The following NFKB2 variants were observed in gnomAD, a reference collection of about 807,000 sequenced individuals.
The protein encoded by NFKB2 is nuclear factor kappa B subunit 2, also known as nuclear factor NF-kappa-B p100 subunit.
A neutral mutation model predicts 109.3 loss-of-function variants in NFKB2; 21 were observed. The observed-to-expected ratio is 0.19, with a 90% CI of 0.14 to 0.28. The LOEUF is 0.28. Ranked by LOEUF, NFKB2 falls within the 10% of genes least tolerant of loss-of-function variation. NFKB2 has a pLI of 1.00. For missense variants in NFKB2, 806 were observed against 1,185.3 expected, an observed-to-expected ratio of 0.68 and a Z score of 4.70; for synonymous variants, 478 against 489.9, an observed-to-expected ratio of 0.98 and a Z score of 0.32.
In NFKB2 at chr10:102,400,314, A is replaced by C. The variant is rs1310195093; in HGVS notation, c.1621A>C (p.Ser541Arg). 2 of 1,613,882 alleles carry C rather than the reference A, an allele frequency of 1.2e-6. No individual in the cohort carries two copies. Among genetic ancestry groups the C allele is most frequent in the South Asian group, 2.2e-5 (2 of 91,080 alleles). ...LHLAVITGQTSVVSFLLRVGA... is the reference protein window; with the variant it reads ...LHLAVITGQTRVVSFLLRVGA... ...CCTGGCGGTGATCACGGGGCAGACG[A>C]GTGTGGTGAGCTTTCTGCTGCGGGT... The change falls in exon 16 of 23, where the codon AGT becomes CGT. Residue 541 changes from serine to arginine, a missense_variant. Physicochemically the swap from Ser to Arg is moderately radical, Grantham distance 110 (BLOSUM62 -1). This residue lies in a region of NFKB2 where 163 missense variants were observed against 207.1 expected (regional missense o/e 0.79). Coordinates refer to ENST00000661543, the MANE Select transcript of NFKB2 (RefSeq NM_001322934.2). This position sits in a 1 kb window ranked among gnomAD's most constrained non-coding sequence, Gnocchi z 6.3.
rs778522689 is a variant in NFKB2, at chr10:102,401,153, C to T, written c.2072-27C>T. ...TCCTTAATGTAGGCCCCCACCATAC[C>T]GCCCCATGACGGCCTCCCTCTCCCA... On this transcript the variant is annotated intron_variant, in intron 18 of 22. Coordinates refer to ENST00000661543, the MANE Select transcript of NFKB2 (RefSeq NM_001322934.2). The surrounding 1 kb of genome is among the most constrained non-coding windows in gnomAD (Gnocchi z 4.2). The T allele has an allele frequency of 3.1e-6, 5 of 1,591,838 alleles. No homozygotes were observed. Among genetic ancestry groups the T allele is most frequent in the African/African-American group, 1.3e-5 (1 of 74,410 alleles).
At chr10:102,394,783 A>G (rs189086939), upstream of NFKB2, 10 of 152,558 alleles carry the variant, frequency 6.6e-5, no homozygotes, top group African/African-American at 2.2e-4. Context: ...CCGTACGTAC[A>G]CCTGTACCTG....
At position 102,397,200 on chromosome 10, in the gene NFKB2, G is replaced by A. The variant is rs2061130970; in HGVS notation, c.396-102G>A. On this transcript the variant is annotated intron_variant, in intron 6 of 22. Transcript: ENST00000661543. The surrounding 1 kb of genome is among the most constrained non-coding windows in gnomAD (Gnocchi z 4.7). ...AAGGGCCTAAGTAGAAACTCCAATG[G>A]CTTCCTTGAGGAAGTAAGGCTGAGC... 6.5e-7 allele frequency: 1 copy of A among 1,528,602 alleles called. No homozygotes were observed. The highest frequency in any genetic ancestry group is 2.3e-5 in the East Asian group (1 of 44,404). The allele number at this position is 1,528,602 out of a possible 1,614,324, so 94.7% of individuals were successfully genotyped here.
Position 102,399,701 on chromosome 10 carries a change from G to C in NFKB2, c.1452G>C (p.Gln484His). The C allele has an allele frequency of 6.7e-7, 1 of 1,493,790 alleles. No homozygotes were observed. Among genetic ancestry groups the C allele is most frequent in the Non-Finnish European group, 8.9e-7 (1 of 1,120,166 alleles). 92.5% of individuals were successfully genotyped at this position (1,493,790 alleles called of 1,614,324 possible). The change falls in exon 14 of 23, where the codon CAG becomes CAC. Residue 484 changes from glutamine (Q) to histidine (H), a missense_variant. Coordinates refer to ENST00000661543, the MANE Select transcript of NFKB2 (RefSeq NM_001322934.2). ...LAGQRHLLTA[Q>H]DENGDTPLHL... ...GACAGCGCCACCTGCTGACGGCGCA[G>C]GACGAGAACGGAGACACGTAGGCAA...
intron 14 of NFKB2, 134 bp from the exon 15 acceptor site, chr10:102,399,946 G>A: frequency 9.2e-7 from 1 of 1,082,388 alleles, no homozygotes; most frequent in African/African-American, 1.6e-5. Context: ...AACGTTAAGT[G>A]CAGGCACAGC....
chr10:102,398,470 G>A lies in NFKB2; in HGVS notation c.938G>A (p.Arg313Gln), dbSNP rs2061155905. 1.2e-6 allele frequency: 2 copies of A among 1,614,180 alleles called. No individual in the cohort carries two copies. Among genetic ancestry groups the A allele is most frequent in the Non-Finnish European group, 1.7e-6 (2 of 1,180,040 alleles). The change falls in exon 11 of 23, where the codon CGA becomes CAA. Residue 313 changes from arginine to glutamine, a missense_variant. By Grantham distance (43) the Arg-to-Gln change is conservative (BLOSUM62 1). Coordinates refer to ENST00000661543, the MANE Select transcript of NFKB2 (RefSeq NM_001322934.2). This position sits in a 1 kb window ranked among gnomAD's most constrained non-coding sequence, Gnocchi z 6.6. ...VTVFLQLKRK[R>Q]GGDVSDSKQF... The stretch of plus-strand genomic sequence containing the variant: ...GTGTTTCTGCAACTGAAACGCAAGC[G>A]AGGAGGGGACGTGTCTGATTCCAAA...
chr10:102,399,640 A>G lies in NFKB2; in HGVS notation c.1391A>G (p.Tyr464Cys). 1.9e-6 allele frequency: 3 copies of G among 1,540,206 alleles called. No homozygotes were observed. Among genetic ancestry groups the G allele is most frequent in the Non-Finnish European group, 2.6e-6 (3 of 1,142,398 alleles). Residue 464 changes from tyrosine to cysteine, a missense_variant, in exon 14 of 23, where the codon TAC becomes TGC. Tyr to Cys is a radical substitution (Grantham distance 194). Coordinates refer to ENST00000661543, the MANE Select transcript of NFKB2 (RefSeq NM_001322934.2). ...CGCAGCGCCCGAGCCCTACTCGACT[A>G]CGGCGTCACCGCGGACGCGCGCGCG... Reference protein sequence around the residue: ...AQRSARALLDYGVTADARALL... With the variant: ...AQRSARALLDCGVTADARALL...
upstream of NFKB2, chr10:102,395,593 A>T: frequency 2.6e-5 from 11 of 421,124 alleles, no homozygotes; most frequent in South Asian, 3.3e-4. Flanking sequence ...TAGACTGTCG[A>T]GGGCCTCCCG....
chr10:102,395,731 G>T lies in NFKB2; in HGVS notation c.-138G>T. On this transcript the variant is annotated 5_prime_UTR_variant, in exon 1 of 23. Transcript: ENST00000661543. Reference sequence around the variant, plus strand: ...ACTTTCCTGCCCCTTCCCCGGCCAAGCCCAACTCCGGATCTCGCTCTCCAC... The same window carrying T: ...ACTTTCCTGCCCCTTCCCCGGCCAATCCCAACTCCGGATCTCGCTCTCCAC... 3.3e-6 allele frequency: 2 copies of T among 597,568 alleles called. No individual in the cohort carries two copies. Among genetic ancestry groups the T allele is most frequent in the Non-Finnish European group, 6.0e-6 (2 of 333,936 alleles). The allele number at this position is 597,568 out of a possible 1,614,324, so 37.0% of individuals were successfully genotyped here.
chr10:102,396,219 G>A lies in NFKB2; in HGVS notation c.22-34G>A. On this transcript the variant is annotated intron_variant, in intron 2 of 22. Coordinates refer to ENST00000661543, the MANE Select transcript of NFKB2 (RefSeq NM_001322934.2). This position sits in a 1 kb window ranked among gnomAD's most constrained non-coding sequence, Gnocchi z 5.9. ...GGTGGGGCTGTGGGGGGTGCTGAGA[G>A]TCGGATGCCACCCCCAGTCTGTCTC... 6.3e-7 allele frequency: 1 copy of A among 1,589,522 alleles called. No homozygotes were observed. The highest frequency in any genetic ancestry group is 8.6e-7 in the Non-Finnish European group (1 of 1,161,376).
Position 102,396,227 on chromosome 10 carries a change from C to A in NFKB2, c.22-26C>A. 6.3e-7 allele frequency: 1 copy of A among 1,592,038 alleles called. No individual in the cohort carries two copies. Among genetic ancestry groups the A allele is most frequent in the Non-Finnish European group, 8.6e-7 (1 of 1,163,182 alleles). On this transcript the variant is annotated intron_variant, in intron 2 of 22. Transcript: ENST00000661543. This position sits in a 1 kb window ranked among gnomAD's most constrained non-coding sequence, Gnocchi z 5.9. ...TGTGGGGGGTGCTGAGAGTCGGATGCCACCCCCAGTCTGTCTCCAAACCAG... is the reference window on the plus strand; with the variant it reads ...TGTGGGGGGTGCTGAGAGTCGGATGACACCCCCAGTCTGTCTCCAAACCAG...
chr10:102,396,515 GA>G lies in NFKB2; in HGVS notation c.144+28del. On this transcript the variant is annotated intron_variant, in intron 4 of 22. Transcript: ENST00000661543. This position sits in a 1 kb window ranked among gnomAD's most constrained non-coding sequence, Gnocchi z 5.9. Reference sequence around the variant, plus strand: ...GTGAGTGAGCAAAAGGGAGGGTGTGGAATGGCTTCAGCTTTGGGGACAAATG... The same window carrying G: ...GTGAGTGAGCAAAAGGGAGGGTGTGGATGGCTTCAGCTTTGGGGACAAATG... The G allele has an allele frequency of 6.2e-7, 1 of 1,613,692 alleles. No homozygotes were observed. Among genetic ancestry groups the G allele is most frequent in the Admixed American group, 1.7e-5 (1 of 60,024 alleles).
In NFKB2 at chr10:102,398,363, T is replaced by A; in HGVS notation, c.853-22T>A. ...TTAGGCTAAGGACTCACTGACACCC[T>A]GTGTCTCCCTGCACCCCCCAGTATG... On this transcript the variant is annotated intron_variant, in intron 10 of 22. Coordinates refer to ENST00000661543, the MANE Select transcript of NFKB2 (RefSeq NM_001322934.2). The surrounding 1 kb of genome is among the most constrained non-coding windows in gnomAD (Gnocchi z 6.6). 6.2e-7 allele frequency: 1 copy of A among 1,613,942 alleles called. No homozygotes were observed. Among genetic ancestry groups the A allele is most frequent in the Admixed American group, 1.7e-5 (1 of 60,016 alleles).
chr10:102,396,153 A>C lies in NFKB2; in HGVS notation c.22-100A>C. Reference sequence around the variant, plus strand: ...CAAAAGGAGCTTTCTCTTGGGTCTGAGGAGGAGGGGGGAGTGACCACTGAA... The same window carrying C: ...CAAAAGGAGCTTTCTCTTGGGTCTGCGGAGGAGGGGGGAGTGACCACTGAA... On this transcript the variant is annotated intron_variant, in intron 2 of 22. Coordinates refer to ENST00000661543, the MANE Select transcript of NFKB2 (RefSeq NM_001322934.2). The surrounding 1 kb of genome is among the most constrained non-coding windows in gnomAD (Gnocchi z 5.9). 1.4e-6 allele frequency: 2 copies of C among 1,459,708 alleles called. No homozygotes were observed. Among genetic ancestry groups the C allele is most frequent in the Non-Finnish European group, 1.9e-6 (2 of 1,052,018 alleles). 90.4% of individuals were successfully genotyped at this position (1,459,708 alleles called of 1,614,324 possible). A position where few individuals can be genotyped will look rare whatever the true frequency, so the allele number is the denominator to read the frequency against.
In NFKB2 at chr10:102,398,459, G is replaced by T. The variant is rs2061155505; in HGVS notation, c.927G>T (p.Leu309=). ...GGCCTGTAACAGTGTTTCTGCAACT[G>T]AAACGCAAGCGAGGAGGGGACGTGT... ...IERPVTVFLQ[L]KRKRGGDVSD... The change falls in exon 11 of 23, where the codon CTG becomes CTT. Residue 309 remains leucine, a synonymous_variant. Coordinates refer to ENST00000661543, the MANE Select transcript of NFKB2 (RefSeq NM_001322934.2). This position sits in a 1 kb window ranked among gnomAD's most constrained non-coding sequence, Gnocchi z 6.6. 6.2e-7 allele frequency: 1 copy of T among 1,614,102 alleles called. No homozygotes were observed. Among genetic ancestry groups the T allele is most frequent in the Admixed American group, 1.7e-5 (1 of 60,012 alleles).
Position 102,396,161 on chromosome 10 carries a change from G to T in NFKB2, c.22-92G>T. 3 of 1,478,290 alleles carry T rather than the reference G, an allele frequency of 2.0e-6. No homozygotes were observed. The highest frequency in any genetic ancestry group is 1.2e-5 in the South Asian group (1 of 83,926). 91.6% of individuals were successfully genotyped at this position (1,478,290 alleles called of 1,614,324 possible). A position where few individuals can be genotyped will look rare whatever the true frequency, so the allele number is the denominator to read the frequency against. ...GCTTTCTCTTGGGTCTGAGGAGGAG[G>T]GGGGAGTGACCACTGAAGACTTGGA... On this transcript the variant is annotated intron_variant, in intron 2 of 22. Coordinates refer to ENST00000661543, the MANE Select transcript of NFKB2 (RefSeq NM_001322934.2). This position sits in a 1 kb window ranked among gnomAD's most constrained non-coding sequence, Gnocchi z 5.9.
In NFKB2 at chr10:102,396,399, TG is replaced by T. The variant is rs757383559; in HGVS notation, c.104-45del. The T allele has an allele frequency of 4.1e-5, 66 of 1,613,830 alleles. 3 individuals are homozygous for T. In the South Asian group the frequency reaches 7.0e-4, roughly 17 times the overall value. ...GGAGGGAGAGCATGTGCCCTCTCTC[TG>T]GGGGAGGGGCTGGGAGATCGTGGCT... On this transcript the variant is annotated intron_variant, in intron 3 of 22. Transcript: ENST00000661543. The surrounding 1 kb of genome is among the most constrained non-coding windows in gnomAD (Gnocchi z 5.9).
chr10:102,398,988 A>T lies in NFKB2; in HGVS notation c.1117+124A>T. On this transcript the variant is annotated intron_variant, in intron 12 of 22. Coordinates refer to ENST00000661543, the MANE Select transcript of NFKB2 (RefSeq NM_001322934.2). This position sits in a 1 kb window ranked among gnomAD's most constrained non-coding sequence, Gnocchi z 6.6. ...AGCCCTTTGGGAGGCCAAGGCAGGC[A>T]GATTACCTGAGATCAGGAGTTCAAG... 1 of 1,063,286 alleles carries T rather than the reference A, an allele frequency of 9.4e-7. No individual in the cohort carries two copies. The highest frequency in any genetic ancestry group is 1.3e-6 in the Non-Finnish European group (1 of 746,870). 65.9% of individuals were successfully genotyped at this position (1,063,286 alleles called of 1,614,324 possible).
rs1455670442 is a variant in NFKB2 at position 102,396,125 on chromosome 10, C to T, written c.22-128C>T. 15 of 1,452,660 alleles carry T rather than the reference C, an allele frequency of 1.0e-5. No individual in the cohort carries two copies. Among genetic ancestry groups the T allele is most frequent in the Admixed American group, 1.7e-5 (1 of 57,154 alleles). The allele number at this position is 1,452,660 out of a possible 1,614,324, so 90.0% of individuals were successfully genotyped here. On this transcript the variant is annotated intron_variant, in intron 2 of 22. Transcript: ENST00000661543. The surrounding 1 kb of genome is among the most constrained non-coding windows in gnomAD (Gnocchi z 5.9). ...TCTGTCCATCTGTCTGCAACTCTGC[C>T]TCCAAAAGGAGCTTTCTCTTGGGTC...
Sources: gnomAD v4.1 joint callset for allele counts on GRCh38, gnomAD v4.1.1 for gene constraint, gnomAD v4.1.1 regional missense constraint, Gnocchi (gnomAD v3.1) non-coding constraint, MANE v1.5 for transcripts, NCBI Gene and HGNC (gene_info 2026-07-23, HGNC 2026-07-21) for gene names.